SLC22A25: variants seen among roughly 807,000 people sequenced by gnomAD.
SLC22A25 encodes MGI:2442751, MGI:2385316, MGI:3042283, MGI:3645714, MGI:3605624, MGI:2442750.
In SLC22A25, 44 loss-of-function variants were observed where a neutral mutation model predicts 45.9. The observed-to-expected ratio is 0.96, with a 90% CI of 0.75 to 1.23. SLC22A25 has a LOEUF of 1.23. SLC22A25 is among the 50% of genes most tolerant of loss of function. The pLI is 0.00. For missense variants in SLC22A25, 800 were observed against 666.4 expected (o/e 1.20, Z -2.21); for synonymous variants, 283 against 238.6 (o/e 1.19, Z -1.72).
At chr11:63,182,716 G>C (rs1229184499) in intron 8 of SLC22A25, among the ~76,000 whole-genome samples, 1 of 151,784 alleles carries the variant, frequency 6.6e-6, no homozygotes, top group Non-Finnish European at 1.5e-5. Context: ...AGATTTTCAG[G>C]CTTCTTATTT....
intron 9 of SLC22A25, chr11:63,166,510 T>C: frequency 8.2e-7 from 1 of 1,212,822 alleles, no homozygotes; most frequent in Non-Finnish European, 1.0e-6. Flanking sequence ...TATTTATTTA[T>C]TTTAAAAGCA....
chr11:63,175,819 G>A (rs920333718), intron 9 of SLC22A25, among the ~76,000 whole-genome samples: 1 of 150,142 alleles, frequency 6.7e-6, no homozygotes, highest in Non-Finnish European at 1.5e-5. Flanking sequence ...AAAGAAAATT[G>A]GGTGTGTATA....
At chr11:63,233,811 G>A (rs539615632) in intron 3 of SLC22A25, among the ~76,000 whole-genome samples, 4 of 152,154 alleles carry the variant, frequency 2.6e-5, no homozygotes, top group Non-Finnish European at 4.4e-5. Flanking sequence ...CTTTGAATGT[G>A]TCCCAGAGAT....
intron 7 of SLC22A25, among the ~76,000 whole-genome samples, chr11:63,188,450 G>T (rs1483972836): frequency 1.3e-5 from 2 of 151,872 alleles, no homozygotes; most frequent in Non-Finnish European, 2.9e-5. Flanking sequence ...TTCTTTATTA[G>T]TCCTGCTAGC....
rs1174468465 is a variant in SLC22A25, at chr11:63,165,476, A to G, written c.1285+568T>C. Among the ~76,000 whole-genome samples, 4 of 152,300 alleles carry G rather than the reference A, an allele frequency of 2.6e-5. No individual in the cohort carries two copies. In the East Asian group the frequency reaches 7.7e-4, roughly 29 times the overall value. ...AGATTCTAAGAGAAGGTCTTAATTGACAATTGTCTCCTTCCTACTGGACAT... is the reference window on the plus strand; with the variant it reads ...AGATTCTAAGAGAAGGTCTTAATTGGCAATTGTCTCCTTCCTACTGGACAT... On this transcript the variant is annotated intron_variant, in intron 10 of 11. Transcript: ENST00000306494.
chr11:63,227,920 G>A (rs2089993963), intron 5 of SLC22A25, among the ~76,000 whole-genome samples: 2 of 152,290 alleles, frequency 1.3e-5, no homozygotes, highest in Middle Eastern at 3.4e-3. Flanking sequence ...GCAGCACTGA[G>A]TCCCAATGCA....
chr11:63,178,076 G>C (rs2088181834), intron 9 of SLC22A25, among the ~76,000 whole-genome samples: 2 of 150,406 alleles, frequency 1.3e-5, no homozygotes, highest in Admixed American at 1.3e-4. Context: ...TTTTTTTGCA[G>C]AGTCAGGGTT....
At chr11:63,218,599 G>T (rs1328373952) in intron 5 of SLC22A25, among the ~76,000 whole-genome samples, 1 of 152,202 alleles carries the variant, frequency 6.6e-6, no homozygotes, top group East Asian at 1.9e-4. Flanking sequence ...ACACTAGAGA[G>T]TCTGTATAGT....
In SLC22A25 at chr11:63,217,184, G is replaced by A. The variant is rs796983079; in HGVS notation, c.830+130C>T. 10 of 943,920 alleles carry A rather than the reference G, an allele frequency of 1.1e-5. No homozygotes were observed. In the African/African-American group the frequency reaches 1.5e-4, roughly 14 times the overall value. The allele number at this position is 943,920 out of a possible 1,614,324, so 58.5% of individuals were successfully genotyped here. A position where few individuals can be genotyped will look rare whatever the true frequency, so the allele number is the denominator to read the frequency against. On this transcript the variant is annotated intron_variant, in intron 7 of 11. Transcript: ENST00000306494. ...CCCTTTGTGTTTTGCTTCTTGAATT[G>A]CATATTTAGCACAGATTAGGAGAAT...
At chr11:63,212,614 C>T (rs189934741) in intron 7 of SLC22A25, among the ~76,000 whole-genome samples, 5 of 134,508 alleles carry the variant, frequency 3.7e-5, no homozygotes, top group African/African-American at 1.2e-4. Context: ...GGGAATTGAG[C>T]AATGAGAACA....
intron 7 of SLC22A25, among the ~76,000 whole-genome samples, chr11:63,201,667 C>T (rs962075737): frequency 6.6e-6 from 1 of 152,006 alleles, no homozygotes; most frequent in Non-Finnish European, 1.5e-5. Flanking sequence ...TGGCATCTAA[C>T]TAAACTAAAG....
intron 7 of SLC22A25, among the ~76,000 whole-genome samples, chr11:63,209,839 A>C (rs1348803180): frequency 3.9e-5 from 6 of 152,196 alleles, no homozygotes; most frequent in Admixed American, 2.0e-4. Flanking sequence ...AATACAGAGG[A>C]GCATAGGAGA....
chr11:63,214,339 G>A (rs544533214), intron 7 of SLC22A25, among the ~76,000 whole-genome samples: 1 of 152,306 alleles, frequency 6.6e-6, no homozygotes, highest in Non-Finnish European at 1.5e-5. Context: ...TGAAGAGGTG[G>A]CAAACAGTGG....
chr11:63,210,988 G>A (rs991649288), intron 7 of SLC22A25, among the ~76,000 whole-genome samples: 3 of 152,108 alleles, frequency 2.0e-5, no homozygotes, highest in African/African-American at 7.2e-5. Context: ...AAGGCAATGG[G>A]TATTGACCCT....
intron 7 of SLC22A25, among the ~76,000 whole-genome samples, chr11:63,213,005 A>C (rs1409469037): frequency 6.6e-6 from 1 of 152,198 alleles, no homozygotes; most frequent in Non-Finnish European, 1.5e-5. Flanking sequence ...GTCCAAGGAC[A>C]AGGCAAAAGT....
intron 3 of SLC22A25, among the ~76,000 whole-genome samples, chr11:63,231,138 T>A (rs1005460656): frequency 6.6e-6 from 1 of 152,236 alleles, no homozygotes; most frequent in Non-Finnish European, 1.5e-5. Flanking sequence ...TATAGCAGCA[T>A]GATTTATAAT....
chr11:63,218,140 A>G (rs141040255), intron 5 of SLC22A25: 51 of 455,966 alleles, frequency 1.1e-4, no homozygotes, highest in Non-Finnish European at 1.6e-4. Context: ...ATGCCCACCA[A>G]TGGTAGACTG....
chr11:63,184,902 A>G (rs1421515318), intron 7 of SLC22A25, among the ~76,000 whole-genome samples: 2 of 152,158 alleles, frequency 1.3e-5, no homozygotes, highest in Admixed American at 6.6e-5. Flanking sequence ...GGTTTAGCAA[A>G]TGAAAACGCA....
chr11:63,221,971 T>C (rs188463669), intron 5 of SLC22A25, among the ~76,000 whole-genome samples: 1 of 152,278 alleles, frequency 6.6e-6, no homozygotes, highest in East Asian at 1.9e-4. Context: ...GATTCTCCAT[T>C]CTGTTCCATT....
Sources: gnomAD v4.1 joint callset for allele counts (sites outside exome capture counted in the v4.1 genomes callset) on GRCh38, gnomAD v4.1.1 for gene constraint, MANE v1.5 for transcripts, NCBI Gene and HGNC (gene_info 2026-07-23, HGNC 2026-07-21) for gene names.